Variants in MYO5C observed in about 807,000 individuals in gnomAD.
The protein encoded by MYO5C is myosin VC.
A neutral mutation model predicts 235.7 loss-of-function variants in MYO5C; 194 were observed. The observed-to-expected ratio is 0.82, with a 90% CI of 0.73 to 0.93. The LOEUF is 0.93. MYO5C is among the 40% of genes least tolerant of loss of function. The pLI, the probability that MYO5C is intolerant of heterozygous loss-of-function variation, is 0.00. For synonymous variants in MYO5C, 707 were observed against 754.8 expected, an observed-to-expected ratio of 0.94 and a Z score of 1.04; for missense variants, 2,038 against 2,127.2, an observed-to-expected ratio of 0.96 and a Z score of 0.82.
rs762993705 is a variant in MYO5C, at chr15:52,239,759, G to A, written c.2677C>T (p.Arg893Cys). ...TGATCTTCCAACTTTTTCTGCAAAC[G>A]CTGGACCCTGTAAGTAAGCTGAATA... The part of the protein sequence containing the change: ...LNIQLTYRVQ[R>C]LQKKLEDQNK... The change falls in exon 21 of 41, where the codon CGT (arginine) becomes TGT (cysteine). Residue 893 changes from arginine (R) to cysteine (C), a missense_variant. Transcript: ENST00000261839. 33 of 1,610,096 alleles carry A rather than the reference G, an allele frequency of 2.0e-5. No homozygotes were observed. Among genetic ancestry groups the A allele is most frequent in the Non-Finnish European group, 2.5e-5 (29 of 1,177,878 alleles).
chr15:52,281,754 G>T (rs753228094), intron 2 of MYO5C, among the ~76,000 whole-genome samples: 2 of 152,324 alleles, frequency 1.3e-5, no homozygotes, highest in African/African-American at 2.4e-5. Flanking sequence ...GTCTTTAACC[G>T]CTGTGTTCAT....
chr15:52,223,431 G>C lies in MYO5C; in HGVS notation c.3627+113C>G, dbSNP rs184698252. On this transcript the variant is annotated intron_variant, in intron 29 of 40. Coordinates refer to ENST00000261839, the MANE Select transcript of MYO5C (RefSeq NM_018728.4). Reference sequence around the variant, plus strand: ...ACCAGACCAAGTTATTTCACTTCTGGAAAAAGTAATTTATATCCACTCTTT... The same window carrying C: ...ACCAGACCAAGTTATTTCACTTCTGCAAAAAGTAATTTATATCCACTCTTT... 5.7e-6 allele frequency: 6 copies of C among 1,060,432 alleles called. No homozygotes were observed. In the African/African-American group the frequency reaches 9.6e-5, roughly 17 times the overall value. The allele number at this position is 1,060,432 out of a possible 1,614,324, so 65.7% of individuals were successfully genotyped here.
chr15:52,217,448 TG>T (rs1442048217), intron 32 of MYO5C, among the ~76,000 whole-genome samples: 2 of 152,134 alleles, frequency 1.3e-5, no homozygotes, highest in East Asian at 3.9e-4. Flanking sequence ...GACCCACCCA[TG>T]TAGCTTCTCC....
chr15:52,229,481 A>T lies in MYO5C; in HGVS notation c.3027-168T>A, dbSNP rs571110024. Among the ~76,000 whole-genome samples the T allele has an allele frequency of 1.3e-4, 20 of 152,174 alleles. No homozygotes were observed. The South Asian group carries it at 3.7e-3, about 28-fold the overall frequency. Reference sequence around the variant, plus strand: ...CCCACTAAAAATACAAAAATTAGTCAGGTGTGGTGGAGCACGCCTGTAGTC... The same window carrying T: ...CCCACTAAAAATACAAAAATTAGTCTGGTGTGGTGGAGCACGCCTGTAGTC... On this transcript the variant is annotated intron_variant, in intron 24 of 40. Transcript: ENST00000261839.
At chr15:52,195,117 C>G (rs545734381) in intron 40 of MYO5C, among the ~76,000 whole-genome samples, 16 of 152,112 alleles carry the variant, frequency 1.1e-4, no homozygotes, top group African/African-American at 3.9e-4. Context: ...ATTCAACGAT[C>G]AGTAAGAAAT....
chr15:52,282,058 T>C (rs1315815567), intron 2 of MYO5C, among the ~76,000 whole-genome samples: 1 of 152,184 alleles, frequency 6.6e-6, no homozygotes, highest in African/African-American at 2.4e-5. Context: ...AAATGCAAAG[T>C]CTTCAGAAGC....
intron 22 of MYO5C, chr15:52,237,118 G>A (rs560395087): frequency 1.3e-5 from 2 of 158,704 alleles, no homozygotes; most frequent in Non-Finnish European, 2.8e-5. Context: ...GCTTTGCATC[G>A]CTGTTCAGGG....
chr15:52,208,483 G>A (rs1272147895), intron 36 of MYO5C, 71 bp downstream of exon 36: 48 of 1,405,692 alleles, frequency 3.4e-5, no homozygotes, highest in Non-Finnish European at 4.6e-5. Context: ...AGGCTCTATT[G>A]AGCTCTGGCT....
At position 52,246,002 on chromosome 15, in the gene MYO5C, C is replaced by T. The variant is rs748883351; in HGVS notation, c.2020G>A (p.Gly674Ser). The change falls in exon 17 of 41, where the codon GGC becomes AGC. Residue 674 changes from glycine to serine, a missense_variant. Transcript: ENST00000261839. ...KRIVQQLRACGVLETIRISAQ... is the reference protein window; with the variant it reads ...KRIVQQLRACSVLETIRISAQ... ...CTAATGCGAATCGTTTCTAAAACGC[C>T]GCAGGCTCGCAGCTGCTGAACAATT... 9.3e-6 allele frequency: 15 copies of T among 1,614,042 alleles called. No individual in the cohort carries two copies. In the East Asian group the frequency reaches 2.2e-4, roughly 24 times the overall value.
chr15:52,278,161 A>G lies in MYO5C; in HGVS notation c.449+712T>C, dbSNP rs144353176. ...AGATAGGGTGGTGTTTCTATTCTCC[A>G]TACTTTACAGATGAAGACACTGAAG... On this transcript the variant is annotated intron_variant, in intron 4 of 40. Coordinates refer to ENST00000261839, the MANE Select transcript of MYO5C (RefSeq NM_018728.4). 318 of 344,988 alleles carry G rather than the reference A, an allele frequency of 9.2e-4. 1 individual carries two copies. Among genetic ancestry groups the G allele is most frequent in the African/African-American group, 6.7e-3 (311 of 46,292 alleles). 21.4% of individuals were successfully genotyped at this position (344,988 alleles called of 1,614,324 possible).
chr15:52,277,294 A>G (rs949796025), intron 4 of MYO5C: 1 of 514,818 alleles, frequency 1.9e-6, no homozygotes, highest in Non-Finnish European at 3.9e-6. Flanking sequence ...CTGGCTCTTT[A>G]GGGCTGAAGT....
Position 52,295,713 on chromosome 15 carries a change from G to T in MYO5C, c.-77C>A, listed in dbSNP as rs1461501921. On this transcript the variant is annotated 5_prime_UTR_variant, in exon 1 of 41. Coordinates refer to ENST00000261839, the MANE Select transcript of MYO5C (RefSeq NM_018728.4). ...GGGCTGGGCCTGCGCCGCAGAGGCCGGGCGCAGGAGAGACCGCCGCGGAAA... is the reference window on the plus strand; with the variant it reads ...GGGCTGGGCCTGCGCCGCAGAGGCCTGGCGCAGGAGAGACCGCCGCGGAAA... 5 of 1,046,270 alleles carry T rather than the reference G, an allele frequency of 4.8e-6. No individual in the cohort carries two copies. The highest frequency in any genetic ancestry group is 2.4e-5 in the South Asian group (1 of 41,384). The allele number at this position is 1,046,270 out of a possible 1,614,324, so 64.8% of individuals were successfully genotyped here.
chr15:52,279,424 T>C, intron 3 of MYO5C, 85 bp downstream of exon 3: 1 of 1,436,448 alleles, frequency 7.0e-7, no homozygotes, highest in Non-Finnish European at 9.5e-7. Context: ...GGGTGCTCAG[T>C]ATAAACATAA....
Position 52,235,754 on chromosome 15 carries a change from T to A in MYO5C, c.2878A>T (p.Lys960Ter). Residue 960 changes from lysine (K) to a stop codon, truncating the protein, a stop_gained, in exon 23 of 41, where the codon AAG becomes TAG. Transcript: ENST00000261839. LOFTEE classifies it high-confidence loss of function. ...AGTTCTGAATTATGCTTCTGAAGCT[T>A]TGCCAATTTCTAGCAGAGGGAAGGG... is the stretch of plus-strand genomic sequence containing the variant. ...YRDAVEEKLAKLQKHNSELET... is the reference protein window; with the variant it reads ...YRDAVEEKLA 1 of 1,608,176 alleles carries A rather than the reference T, an allele frequency of 6.2e-7. No individual in the cohort carries two copies. Among genetic ancestry groups the A allele is most frequent in the Non-Finnish European group, 8.5e-7 (1 of 1,176,812 alleles).
Position 52,245,035 on chromosome 15 carries a change from T to C in MYO5C, c.2178+319A>G, listed in dbSNP as rs1337643001. ...CACAAGGCACCATGCCTGGAGCCCATGTGGCTTGGTGACAACCCCAGTTGA... is the reference window on the plus strand; with the variant it reads ...CACAAGGCACCATGCCTGGAGCCCACGTGGCTTGGTGACAACCCCAGTTGA... On this transcript the variant is annotated intron_variant, in intron 18 of 40. Transcript: ENST00000261839. Among the ~76,000 whole-genome samples, 5 of 152,216 alleles carry C rather than the reference T, an allele frequency of 3.3e-5. No individual in the cohort carries two copies. The South Asian group carries it at 6.2e-4, about 19-fold the overall frequency.
chr15:52,208,379 A>C (rs995853203), intron 36 of MYO5C, among the ~76,000 whole-genome samples, 175 bp downstream of exon 36: 11 of 152,250 alleles, frequency 7.2e-5, no homozygotes, highest in Non-Finnish European at 1.5e-4. Context: ...TACCATGCCC[A>C]AAATCTAAGC....
chr15:52,286,937 TAAAAAAA>T (rs1056891976), intron 1 of MYO5C, among the ~76,000 whole-genome samples: 1 of 50,284 alleles, frequency 2.0e-5, no homozygotes, highest in Non-Finnish European at 4.3e-5. Context: ...GAATGATCAA[TAAAAAAA>T]AAAAAGAAAA....
At position 52,247,581 on chromosome 15, in the gene MYO5C, A is replaced by G. The variant is rs772795224; in HGVS notation, c.1758T>C (p.Cys586=). The G allele has an allele frequency of 1.2e-6, 2 of 1,614,192 alleles. No homozygotes were observed. The highest frequency in any genetic ancestry group is 1.7e-6 in the Non-Finnish European group (2 of 1,180,022). Residue 586 remains cysteine, a synonymous_variant, in exon 15 of 41, where the codon TGT becomes TGC. Transcript: ENST00000261839. ...EILRASKFHL[C]ANFFQENPTP... is the part of the protein sequence containing the mutation. Reference sequence around the variant, plus strand: ...TTGGATTTTCTTGAAAAAAGTTGGCACAGAGATGAAACTGGAAGGAACAGA... The same window carrying G: ...TTGGATTTTCTTGAAAAAAGTTGGCGCAGAGATGAAACTGGAAGGAACAGA...
chr15:52,286,167 G>A (rs147627945), intron 1 of MYO5C, among the ~76,000 whole-genome samples: 8,389 of 151,460 alleles, frequency 0.055, 458 homozygotes, highest in African/African-American at 0.14. Context: ...CAGCCACCCC[G>A]TCTGGGAGGA....
Sources: gnomAD v4.1 joint callset for allele counts (sites outside exome capture counted in the v4.1 genomes callset) on GRCh38, gnomAD v4.1.1 for gene constraint, MANE v1.5 for transcripts, NCBI Gene and HGNC (gene_info 2026-07-23, HGNC 2026-07-21) for gene names.